Variants in STK32B observed in about 807,000 individuals in gnomAD.
STK32B encodes serine/threonine-protein kinase 32B.
STK32B carries 43 observed loss-of-function variants against 52.6 expected under a neutral mutation model. The observed-to-expected ratio is 0.82, with a 90% CI of 0.64 to 1.05. The LOEUF (loss-of-function observed/expected upper bound fraction) is 1.05, where lower values mean the gene tolerates loss of function less well. Ranked by LOEUF, STK32B falls within the 50% of genes least tolerant of loss-of-function variation. The pLI is 0.00. For missense variants in STK32B, 621 were observed against 534.6 expected, an observed-to-expected ratio of 1.16 and a Z score of -1.59; for synonymous variants, 238 against 204.3, an observed-to-expected ratio of 1.17 and a Z score of -1.41.
chr4:5,423,909 G>C (rs1712854508), intron 6 of STK32B, among the ~76,000 whole-genome samples: 1 of 152,146 alleles, frequency 6.6e-6, no homozygotes, highest in Non-Finnish European at 1.5e-5. Flanking sequence ...CCCCTTGTGA[G>C]TTGGAGAGGC....
intron 6 of STK32B, among the ~76,000 whole-genome samples, chr4:5,428,377 T>C (rs562716140): frequency 9.0e-4 from 137 of 152,170 alleles, no homozygotes; most frequent in South Asian, 6.0e-3. Flanking sequence ...CACTGCACTC[T>C]AGCCTGGGCA....
chr4:5,084,290 T>C (rs1712598600), intron 1 of STK32B, among the ~76,000 whole-genome samples: 1 of 152,232 alleles, frequency 6.6e-6, no homozygotes, highest in Non-Finnish European at 1.5e-5. Context: ...CCTTGTCGAC[T>C]GGCATCTCTG....
At chr4:5,217,625 A>G (rs927994238) in intron 3 of STK32B, among the ~76,000 whole-genome samples, 1 of 152,250 alleles carries the variant, frequency 6.6e-6, no homozygotes, top group East Asian at 1.9e-4. Context: ...ATAGTCATAC[A>G]ATGTGGCATC....
the STK32B span, among the ~76,000 whole-genome samples, chr4:5,033,687 T>C: frequency 2.0e-5 from 3 of 152,206 alleles, no homozygotes; most frequent in Non-Finnish European, 4.4e-5. Context: ...CCCTGAGCAC[T>C]GCAGCTGCTA....
intron 11 of STK32B, among the ~76,000 whole-genome samples, chr4:5,477,754 C>T (rs539570605): frequency 1.3e-5 from 2 of 152,286 alleles, no homozygotes; most frequent in South Asian, 2.1e-4. Context: ...CGCAGCACTT[C>T]CATTCATGCT....
chr4:5,489,071 C>T (rs7660033), intron 11 of STK32B, among the ~76,000 whole-genome samples: 2,769 of 152,036 alleles, frequency 0.018, 85 homozygotes, highest in African/African-American at 0.063. Context: ...ATATTTTGAA[C>T]GAGAACCAGT....
intron 2 of STK32B, among the ~76,000 whole-genome samples, chr4:5,159,901 A>T (rs896757195): frequency 2.0e-5 from 3 of 151,780 alleles, no homozygotes; most frequent in African/African-American, 7.3e-5. Context: ...CTGGAGACGC[A>T]GGAAGGAGCT....
chr4:5,130,515 C>T (rs1041971673), intron 1 of STK32B, among the ~76,000 whole-genome samples: 2 of 152,116 alleles, frequency 1.3e-5, no homozygotes, highest in African/African-American at 4.8e-5. Context: ...GGCCTTGGAC[C>T]TGTGAACAAA....
chr4:5,110,503 G>T (rs1369247561), intron 1 of STK32B, among the ~76,000 whole-genome samples: 1 of 151,604 alleles, frequency 6.6e-6, no homozygotes, highest in African/African-American at 2.4e-5. Context: ...AATAAAAAAT[G>T]GGAAAAAGAC....
intron 6 of STK32B, among the ~76,000 whole-genome samples, chr4:5,429,145 C>T (rs905958323): frequency 2.0e-4 from 31 of 152,316 alleles, no homozygotes; most frequent in Middle Eastern, 3.4e-3. Flanking sequence ...TCTAGTACAT[C>T]GCTGATAATA....
chr4:5,176,002 G>C (rs545800099), intron 3 of STK32B, among the ~76,000 whole-genome samples: 15 of 152,334 alleles, frequency 9.8e-5, no homozygotes, highest in Admixed American at 9.8e-4. Context: ...TGGCAATGGT[G>C]GGCGCCCCTC....
chr4:5,497,011 A>C (rs903457084), intron 11 of STK32B, among the ~76,000 whole-genome samples: 11 of 152,216 alleles, frequency 7.2e-5, no homozygotes, highest in Non-Finnish European at 1.6e-4. Context: ...AACTAGTTTT[A>C]AGATGGTATA....
At position 5,499,321 on chromosome 4, in the gene STK32B, T is replaced by TAAACA; in HGVS notation, c.*239_*243dup. 2.3e-6 allele frequency: 1 copy of TAAACA among 433,980 alleles called. No individual in the cohort carries two copies. The highest frequency in any genetic ancestry group is 3.9e-6 in the Non-Finnish European group (1 of 253,490). The allele number at this position is 433,980 out of a possible 1,614,324, so 26.9% of individuals were successfully genotyped here. ...CGTTTTCTGCATCTGCCAAAGGGGT[T>TAAACA]AAACACTTCTGCCCCACTTCAAATT... On this transcript the variant is annotated 3_prime_UTR_variant, in exon 12 of 12. Coordinates refer to ENST00000282908, the MANE Select transcript of STK32B (RefSeq NM_018401.3).
chr4:5,079,046 T>C (rs1040454993), intron 1 of STK32B, among the ~76,000 whole-genome samples: 5 of 152,374 alleles, frequency 3.3e-5, no homozygotes, highest in Non-Finnish European at 7.3e-5. Flanking sequence ...GAGACAATTG[T>C]TATGCCTTAG....
At chr4:5,298,415 A>G (rs1425066088) in intron 3 of STK32B, among the ~76,000 whole-genome samples, 1 of 152,112 alleles carries the variant, frequency 6.6e-6, no homozygotes, top group East Asian at 1.9e-4. Context: ...GCTCTGTCCC[A>G]GGGAGATGGA....
intron 1 of STK32B, among the ~76,000 whole-genome samples, chr4:5,081,611 A>G (rs1712433165): frequency 1.3e-5 from 2 of 152,004 alleles, no homozygotes; most frequent in South Asian, 4.2e-4. Context: ...TAATTTCAAA[A>G]GACCTTTCAT....
At chr4:5,334,444 C>T (rs539467851) in intron 4 of STK32B, among the ~76,000 whole-genome samples, 22 of 152,248 alleles carry the variant, frequency 1.4e-4, no homozygotes, top group African/African-American at 5.3e-4. Flanking sequence ...TTGACATCCT[C>T]TTTTCCTAAT....
At position 5,400,680 on chromosome 4, in the gene STK32B, C is replaced by T. The variant is rs1034767386; in HGVS notation, c.472+2436C>T. ...TTCCGCTCAGAAAAAGAAGAGTCTC[C>T]TTTCTGGGGAGAGAAGAGAAAGAGA... On this transcript the variant is annotated intron_variant, in intron 5 of 11. Coordinates refer to ENST00000282908, the MANE Select transcript of STK32B (RefSeq NM_018401.3). This position sits in a 1 kb window ranked among gnomAD's most constrained non-coding sequence, Gnocchi z 6.1. Among the ~76,000 whole-genome samples the T allele has an allele frequency of 6.6e-6, 1 of 152,160 alleles. No homozygotes were observed. Among genetic ancestry groups the T allele is most frequent in the African/African-American group, 2.4e-5 (1 of 41,436 alleles).
At position 5,378,195 on chromosome 4, in the gene STK32B, A is replaced by G. The variant is rs1416267939; in HGVS notation, c.435-20012A>G. Among the ~76,000 whole-genome samples the G allele has an allele frequency of 6.6e-6, 1 of 152,196 alleles. No individual in the cohort carries two copies. The highest frequency in any genetic ancestry group is 2.4e-5 in the African/African-American group (1 of 41,430). Reference sequence around the variant, plus strand: ...ATTCATGTCCAGTCCAGTAGCGCCCACTGGTGACAGCAGGCACTTTATGAA... The same window carrying G: ...ATTCATGTCCAGTCCAGTAGCGCCCGCTGGTGACAGCAGGCACTTTATGAA... On this transcript the variant is annotated intron_variant, in intron 4 of 11. Coordinates refer to ENST00000282908, the MANE Select transcript of STK32B (RefSeq NM_018401.3). The surrounding 1 kb of genome is among the most constrained non-coding windows in gnomAD (Gnocchi z 4.4).
Sources: gnomAD v4.1 joint callset for allele counts (sites outside exome capture counted in the v4.1 genomes callset) on GRCh38, gnomAD v4.1.1 for gene constraint, Gnocchi (gnomAD v3.1) non-coding constraint, MANE v1.5 for transcripts, NCBI Gene and HGNC (gene_info 2026-07-23, HGNC 2026-07-21) for gene names.